The following HMCN1 variants were observed in gnomAD, a reference collection of about 807,000 sequenced individuals.
HMCN1 encodes the protein hemicentin 1.
A neutral mutation model predicts 625.9 loss-of-function variants in HMCN1; 321 were observed. The observed-to-expected ratio is 0.51, with a 90% CI of 0.47 to 0.56. The LOEUF is 0.56. Among genes scored for constraint, HMCN1 ranks in the 20% least tolerant of loss-of-function variants. The pLI, the probability that HMCN1 is intolerant of heterozygous loss-of-function variation, is 0.00. For missense variants in HMCN1, 6,588 were observed against 6,887.3 expected (o/e 0.96, Z 1.54); for synonymous variants, 2,425 against 2,417.6 (o/e 1.00, Z -0.09).
intron 42 of HMCN1, among the ~76,000 whole-genome samples, chr1:186,050,201 A>G (rs1218836584): frequency 6.6e-6 from 1 of 151,914 alleles, no homozygotes; most frequent in African/African-American, 2.4e-5. Context: ...ATTAGGAGTG[A>G]TGATCAATTA....
intron 93 of HMCN1, among the ~76,000 whole-genome samples, chr1:186,149,966 G>T (rs2102570147): frequency 6.6e-6 from 1 of 152,166 alleles, no homozygotes; most frequent in African/African-American, 2.4e-5. Context: ...TAACATCCAA[G>T]ATCACTGATC....
At chr1:186,088,885 A>G in intron 63 of HMCN1, 130 bp downstream of exon 63, 1 of 916,442 alleles carries the variant, frequency 1.1e-6, no homozygotes, top group Non-Finnish European at 1.7e-6. Flanking sequence ...AACTATCATC[A>G]GTTTTCTGTC....
In HMCN1 at chr1:185,933,530, A is replaced by G; in HGVS notation, c.1553-19A>G. ...ATGGCTTTTAGGTCTCTTGATTTGA[A>G]TTTTTTGATTTCACACAGAGCCCCC... On this transcript the variant is annotated intron_variant, in intron 10 of 106. Transcript: ENST00000271588. The G allele has an allele frequency of 6.2e-7, 1 of 1,613,644 alleles. No homozygotes were observed. Among genetic ancestry groups the G allele is most frequent in the Non-Finnish European group, 8.5e-7 (1 of 1,179,774 alleles).
intron 28 of HMCN1, 97 bp downstream of exon 28, chr1:186,001,838 T>A: frequency 9.8e-7 from 1 of 1,015,548 alleles, no homozygotes; most frequent in Non-Finnish European, 1.5e-6. Context: ...AAAGATAAAT[T>A]GACAGAAAAA....
chr1:185,751,078 TA>T (rs1336870555), intron 1 of HMCN1, among the ~76,000 whole-genome samples: 1 of 152,126 alleles, frequency 6.6e-6, no homozygotes, highest in Non-Finnish European at 1.5e-5. Context: ...AGTGTTTCCT[TA>T]GATTTAATTT....
At chr1:186,173,320 A>T (rs1196875818) in intron 102 of HMCN1, among the ~76,000 whole-genome samples, 2 of 152,144 alleles carry the variant, frequency 1.3e-5, no homozygotes, top group South Asian at 4.1e-4. Context: ...AAAAAACAAC[A>T]ACTGGTGATG....
intron 33 of HMCN1, 33 bp downstream of exon 33, chr1:186,017,104 C>T: frequency 1.7e-6 from 2 of 1,144,300 alleles, no homozygotes; most frequent in Non-Finnish European, 2.7e-6. Context: ...TAAATACCTC[C>T]TGCTTTTTGT....
chr1:185,871,006 C>T (rs557872551), intron 4 of HMCN1, among the ~76,000 whole-genome samples: 33 of 151,880 alleles, frequency 2.2e-4, no homozygotes, highest in Non-Finnish European at 3.4e-4. Flanking sequence ...CCAAGGTGGG[C>T]GGATCATGAG....
chr1:186,128,240 G>C lies in HMCN1; in HGVS notation c.12853G>C (p.Gly4285Arg). The part of the protein sequence containing the change: ...EQLRLSCKAT[G>R]IPLPKLTWTF... ...GCTACGATTAAGCTGTAAAGCTACT[G>C]GTATTCCATTGCCCAAATTAACATG... The change falls in exon 83 of 107, where the codon GGT becomes CGT. Residue 4285 changes from glycine to arginine, a missense_variant. Gly to Arg is a moderately radical substitution (Grantham distance 125). Around this residue, in one of 3 missense-constraint regions of HMCN1, gnomAD observed 1,954 missense variants for 2,013.1 expected, o/e 0.97. Coordinates refer to ENST00000271588, the MANE Select transcript of HMCN1 (RefSeq NM_031935.3). 1 of 1,613,392 alleles carries C rather than the reference G, an allele frequency of 6.2e-7. No individual in the cohort carries two copies. Among genetic ancestry groups the C allele is most frequent in the Non-Finnish European group, 8.5e-7 (1 of 1,179,620 alleles).
intron 1 of HMCN1, among the ~76,000 whole-genome samples, chr1:185,765,987 G>A (rs1015483141): frequency 4.6e-5 from 7 of 152,094 alleles, no homozygotes; most frequent in East Asian, 1.9e-4. Flanking sequence ...TACTCCTGGG[G>A]TTCTGTGTAC....
intron 9 of HMCN1, 41 bp from the exon 10 acceptor site, chr1:185,928,505 A>T (rs946405347): frequency 7.0e-6 from 11 of 1,568,316 alleles, no homozygotes; most frequent in Non-Finnish European, 8.8e-6. Flanking sequence ...ACTTGGTCTT[A>T]TTTTATAGTA....
chr1:185,953,646 G>T (rs1649400835), intron 11 of HMCN1, among the ~76,000 whole-genome samples: 1 of 151,830 alleles, frequency 6.6e-6, no homozygotes, highest in African/African-American at 2.4e-5. Flanking sequence ...TGTTTCTTGG[G>T]CTGGTCGGTC....
chr1:186,057,031 T>TCTCA (rs1553284156), intron 45 of HMCN1, among the ~76,000 whole-genome samples: 4,096 of 147,990 alleles, frequency 0.028, 176 homozygotes, highest in African/African-American at 0.096. Flanking sequence ...TCCAGGAATG[T>TCTCA]CACACACACA....
chr1:185,897,713 T>C (rs1365480046), intron 4 of HMCN1, among the ~76,000 whole-genome samples: 2 of 152,194 alleles, frequency 1.3e-5, no homozygotes, highest in Non-Finnish European at 2.9e-5. Context: ...ACATTTTCTG[T>C]TATGTATTTA....
At chr1:186,160,768 G>C (rs1651406283) in intron 97 of HMCN1, among the ~76,000 whole-genome samples, 1 of 151,956 alleles carries the variant, frequency 6.6e-6, no homozygotes, top group Non-Finnish European at 1.5e-5. Context: ...TAGTTTGATT[G>C]CACTGTGGTC....
intron 81 of HMCN1, among the ~76,000 whole-genome samples, chr1:186,125,019 C>A (rs1357408550): frequency 1.3e-5 from 2 of 152,006 alleles, no homozygotes; most frequent in African/African-American, 2.4e-5. Flanking sequence ...CTATACTGTG[C>A]AGTTATAAAG....
chr1:186,052,358 C>G (rs1657012830), intron 42 of HMCN1, among the ~76,000 whole-genome samples: 1 of 152,064 alleles, frequency 6.6e-6, no homozygotes, highest in African/African-American at 2.4e-5. Flanking sequence ...CAGCCAGCAT[C>G]TGCAGACTCC....
chr1:185,895,216 T>C (rs1030740943), intron 4 of HMCN1, among the ~76,000 whole-genome samples: 4 of 152,248 alleles, frequency 2.6e-5, no homozygotes, highest in Non-Finnish European at 4.4e-5. Context: ...AAATATATGT[T>C]GCAAGTAAAA....
chr1:185,927,172 C>A (rs1434410195), intron 9 of HMCN1, among the ~76,000 whole-genome samples: 1 of 152,158 alleles, frequency 6.6e-6, no homozygotes, highest in Non-Finnish European at 1.5e-5. Flanking sequence ...TTGATGAATT[C>A]TAATGTATGC....
Sources: gnomAD v4.1 joint callset for allele counts (sites outside exome capture counted in the v4.1 genomes callset) on GRCh38, gnomAD v4.1.1 for gene constraint, gnomAD v4.1.1 regional missense constraint, MANE v1.5 for transcripts, NCBI Gene and HGNC (gene_info 2026-07-23, HGNC 2026-07-21) for gene names.